PDE1A: variants seen among roughly 807,000 people sequenced by gnomAD.
PDE1A encodes dual specificity calcium/calmodulin-dependent 3',5'-cyclic nucleotide phosphodiesterase 1A.
Under a neutral mutation model 61.7 loss-of-function variants are expected in PDE1A, and 35 were observed. That is an observed-to-expected ratio of 0.57 (90% CI 0.43 to 0.75). PDE1A has a LOEUF of 0.75. PDE1A is among the 30% of genes least tolerant of loss of function. The pLI is 0.00. For missense variants in PDE1A, 597 were observed against 630.6 expected, an observed-to-expected ratio of 0.95 and a Z score of 0.57; for synonymous variants, 232 against 213.2, an observed-to-expected ratio of 1.09 and a Z score of -0.77.
chr2:182,389,848 G>T (rs1407384539), intron 1 of PDE1A, among the ~76,000 whole-genome samples: 1 of 152,182 alleles, frequency 6.6e-6, no homozygotes, highest in South Asian at 2.1e-4. Context: ...GAGCAGACTT[G>T]CTGAGTTTTC....
At chr2:182,573,637 T>C in the PDE1A span, among the ~76,000 whole-genome samples, 1 of 151,896 alleles carries the variant, frequency 6.6e-6, no homozygotes, top group Admixed American at 6.6e-5. Context: ...TATACGACAT[T>C]AGCAAATCGT....
intron 2 of PDE1A, among the ~76,000 whole-genome samples, chr2:182,466,038 T>C (rs1378782218): frequency 6.6e-6 from 1 of 151,820 alleles, no homozygotes; most frequent in Non-Finnish European, 1.5e-5. Context: ...TTGCCTACAC[T>C]TTTGTGTGTG....
At chr2:182,143,340 A>G (rs1385633887), downstream of PDE1A, among the ~76,000 whole-genome samples, 12 of 152,114 alleles carry the variant, frequency 7.9e-5, no homozygotes, top group Non-Finnish European at 1.3e-4. Context: ...CACCATTTTT[A>G]TTTGTGAATT....
At chr2:182,300,340 A>G (rs547223540) in intron 1 of PDE1A, among the ~76,000 whole-genome samples, 1 of 152,318 alleles carries the variant, frequency 6.6e-6, no homozygotes, top group Admixed American at 6.5e-5. Flanking sequence ...GAAGTTCCAT[A>G]TAACTGGCTG....
At position 182,185,740 on chromosome 2, in the gene PDE1A, T is replaced by C; in HGVS notation, c.1516+152A>G. 6.3e-6 allele frequency: 9 copies of C among 1,421,634 alleles called. No homozygotes were observed. The South Asian group carries it at 1.2e-4, about 19-fold the overall frequency. The allele number at this position is 1,421,634 out of a possible 1,614,324, so 88.1% of individuals were successfully genotyped here. A position where few individuals can be genotyped will look rare whatever the true frequency, so the allele number is the denominator to read the frequency against. On this transcript the variant is annotated intron_variant, in intron 13 of 13. Transcript: ENST00000351439. The stretch of plus-strand genomic sequence containing the variant: ...TTTTATCTAATAAATGAGCCAACTT[T>C]CTCATGAATGATCAAAGAGTAGCCA...
At chr2:182,588,274 T>C in the PDE1A span, among the ~76,000 whole-genome samples, 6 of 152,334 alleles carry the variant, frequency 3.9e-5, no homozygotes, top group Non-Finnish European at 7.4e-5. Context: ...TTGTAAAGAT[T>C]CATCTTTTCA....
chr2:182,378,655 C>A (rs920041128), intron 1 of PDE1A, among the ~76,000 whole-genome samples: 3 of 152,170 alleles, frequency 2.0e-5, no homozygotes, highest in Non-Finnish European at 2.9e-5. Context: ...ATGTTACTGT[C>A]TTAAAGCTTA....
chr2:182,246,401 CTTTCTTTTTTTT>C (rs1429624420), intron 2 of PDE1A, among the ~76,000 whole-genome samples: 1 of 61,514 alleles, frequency 1.6e-5, no homozygotes, highest in Non-Finnish European at 2.9e-5. Context: ...TTTCTTTTTT[CTTTCTTTTTTTT>C]TTTTTTTTTT....
chr2:182,332,669 C>G (rs1697498525), intron 1 of PDE1A, among the ~76,000 whole-genome samples: 1 of 152,156 alleles, frequency 6.6e-6, no homozygotes. Context: ...GTATCACCAG[C>G]AGAGGCTGCA....
chr2:182,205,183 T>C (rs1328404771), intron 8 of PDE1A, among the ~76,000 whole-genome samples: 1 of 152,212 alleles, frequency 6.6e-6, no homozygotes, highest in Admixed American at 6.5e-5. Context: ...GGCCTTTTTC[T>C]GTTCTTACTA....
the PDE1A span, among the ~76,000 whole-genome samples, chr2:182,646,375 C>T: frequency 9.1e-5 from 13 of 142,306 alleles, no homozygotes; most frequent in Admixed American, 3.7e-4. Context: ...TCGTTTGAAC[C>T]CAGGAGGTGA....
At chr2:182,269,169 A>G (rs1354137816) in intron 1 of PDE1A, among the ~76,000 whole-genome samples, 2 of 152,188 alleles carry the variant, frequency 1.3e-5, no homozygotes, top group Non-Finnish European at 2.9e-5. Context: ...TCAAGAAGAA[A>G]CAAATAAATG....
chr2:182,195,809 G>GTT (rs1190126321), intron 10 of PDE1A, among the ~76,000 whole-genome samples: 1 of 152,064 alleles, frequency 6.6e-6, no homozygotes, highest in Non-Finnish European at 1.5e-5. Context: ...CAAAGTGACA[G>GTT]TTTTACAGAT....
In PDE1A at chr2:182,223,978, G is replaced by C; in HGVS notation, c.676-14C>G. On this transcript the variant is annotated splice_polypyrimidine_tract_variant and intron_variant, in intron 6 of 13. Coordinates refer to ENST00000351439, the Ensembl canonical transcript of PDE1A. Reference sequence around the variant, plus strand: ...AGTGAGCCAGTGCTAGTAAATTACAGAAAGAATCCATTATATTCAAGAAGT... The same window carrying C: ...AGTGAGCCAGTGCTAGTAAATTACACAAAGAATCCATTATATTCAAGAAGT... 2 of 1,557,248 alleles carry C rather than the reference G, an allele frequency of 1.3e-6. No individual in the cohort carries two copies. Among genetic ancestry groups the C allele is most frequent in the Non-Finnish European group, 1.8e-6 (2 of 1,133,096 alleles).
At chr2:182,577,994 G>GGAAGGAAGGAAGGA in the PDE1A span, among the ~76,000 whole-genome samples, 127 of 116,882 alleles carry the variant, frequency 1.1e-3, no homozygotes, top group African/African-American at 4.5e-3. Context: ...GGAAGGAAGG[G>GGAAGGAAGGAAGGA]ACGGAGGGAG....
intron 1 of PDE1A, among the ~76,000 whole-genome samples, chr2:182,368,092 C>T (rs1039031213): frequency 3.3e-5 from 5 of 152,116 alleles, no homozygotes; most frequent in African/African-American, 4.8e-5. Flanking sequence ...CATCTATCTC[C>T]ACCTACTTAT....
intron 13 of PDE1A, among the ~76,000 whole-genome samples, chr2:182,177,810 C>T (rs1037973368): frequency 6.6e-6 from 1 of 151,990 alleles, no homozygotes; most frequent in South Asian, 2.1e-4. Context: ...ACTGAAACAC[C>T]TCAATGGATA....
chr2:182,255,007 C>T (rs1691672876), intron 2 of PDE1A, among the ~76,000 whole-genome samples: 1 of 152,142 alleles, frequency 6.6e-6, no homozygotes, highest in South Asian at 2.1e-4. Flanking sequence ...TAAGGATATG[C>T]TTATCGGATC....
chr2:182,648,511 C>CAAAAAAAAAAAAAAAAAAAAAAAAAAA, the PDE1A span, among the ~76,000 whole-genome samples: 39 of 76,208 alleles, frequency 5.1e-4, no homozygotes, highest in African/African-American at 7.6e-4. Flanking sequence ...CCTGTCCCCA[C>CAAAAAAAAAAAAAAAAAAAAAAAAAAA]AAAAAAAAAA....
Sources: gnomAD v4.1 joint callset for allele counts (sites outside exome capture counted in the v4.1 genomes callset) on GRCh38, gnomAD v4.1.1 for gene constraint, MANE v1.5 for transcripts, NCBI Gene and HGNC (gene_info 2026-07-23, HGNC 2026-07-21) for gene names.